The following BTBD16 variants were observed in gnomAD, a reference collection of about 807,000 sequenced individuals.
BTBD16 encodes the protein BTB domain containing 16.
Under a neutral mutation model 67.4 loss-of-function variants are expected in BTBD16, and 66 were observed. The ratio of observed to expected loss-of-function variants is 0.98; its 90% CI spans 0.80 to 1.20. The LOEUF is 1.20. BTBD16 is among the 50% of genes most tolerant of loss of function. The probability of loss-of-function intolerance (pLI) is 0.00; values close to 1 mark genes in which losing one functional copy is unlikely to be tolerated. For missense variants in BTBD16, 634 were observed against 616.0 expected, an observed-to-expected ratio of 1.03 and a Z score of -0.31; for synonymous variants, 242 against 236.4, an observed-to-expected ratio of 1.02 and a Z score of -0.22.
chr10:122,277,065 C>G (rs1055568903), intron 3 of BTBD16, 126 bp downstream of exon 3: 2 of 1,107,276 alleles, frequency 1.8e-6, no homozygotes, highest in African/African-American at 3.1e-5. Flanking sequence ...GGAAGGCTCC[C>G]TCTGGAGCCA....
rs112235373 is a variant in BTBD16, at chr10:122,292,439, G to A, written c.590+1245G>A. Among the ~76,000 whole-genome samples, 129 of 152,350 alleles carry A rather than the reference G, an allele frequency of 8.5e-4. 3 individuals are homozygous for A. The highest frequency in any genetic ancestry group is 3.0e-3 in the African/African-American group (125 of 41,580). On this transcript the variant is annotated intron_variant, in intron 7 of 15. Coordinates refer to ENST00000260723, the MANE Select transcript of BTBD16 (RefSeq NM_144587.5). ...AAGTAAGTAACTTGGCCAAGGCCAC[G>A]CAGCTGCCAAGTAGAGAAGCCAGGA...
chr10:122,320,776 T>C (rs1317886981), intron 10 of BTBD16, among the ~76,000 whole-genome samples: 1 of 152,174 alleles, frequency 6.6e-6, no homozygotes, highest in African/African-American at 2.4e-5. Flanking sequence ...TTGAGACCTG[T>C]TTTATGGCTC....
At chr10:122,307,523 T>A (rs1460229290) in intron 10 of BTBD16, among the ~76,000 whole-genome samples, 2 of 152,136 alleles carry the variant, frequency 1.3e-5, no homozygotes, top group Non-Finnish European at 2.9e-5. Context: ...TACTATGAGA[T>A]AATCAGGTGC....
intron 3 of BTBD16, among the ~76,000 whole-genome samples, chr10:122,282,400 C>G (rs576867694): frequency 6.6e-6 from 1 of 152,328 alleles, no homozygotes; most frequent in Admixed American, 6.5e-5. Flanking sequence ...CATCCTCCCC[C>G]CTTGGAAAGG....
chr10:122,312,323 T>C (rs2142101374), intron 10 of BTBD16, among the ~76,000 whole-genome samples: 1 of 143,748 alleles, frequency 7.0e-6, no homozygotes, highest in East Asian at 2.0e-4. Flanking sequence ...TTTTTTTTTT[T>C]TTTTTTTTTG....
At chr10:122,275,145 T>C in intron 2 of BTBD16, 46 bp downstream of exon 2, 1 of 1,585,444 alleles carries the variant, frequency 6.3e-7, no homozygotes, top group Non-Finnish European at 8.7e-7. Flanking sequence ...AGAAGAAGCA[T>C]TTGCTTATGG....
intron 5 of BTBD16, 71 bp from the exon 6 acceptor site, chr10:122,289,838 G>A (rs893786282): frequency 2.9e-6 from 3 of 1,030,842 alleles, no homozygotes; most frequent in South Asian, 1.3e-5. Flanking sequence ...TGCCAGGGTG[G>A]TGGGTGCCTC....
chr10:122,275,204 C>T, intron 2 of BTBD16, 105 bp downstream of exon 2: 1 of 1,114,326 alleles, frequency 9.0e-7, no homozygotes, highest in Non-Finnish European at 1.4e-6. Context: ...CCACCGAGGA[C>T]CTCAAGCATT....
At chr10:122,312,037 A>G (rs1269346173) in intron 10 of BTBD16, among the ~76,000 whole-genome samples, 2 of 152,234 alleles carry the variant, frequency 1.3e-5, no homozygotes, top group Admixed American at 6.5e-5. Context: ...GTTGGTGGAC[A>G]TGTTCAGCCA....
chr10:122,328,033 G>A (rs2096448351), intron 10 of BTBD16, among the ~76,000 whole-genome samples: 1 of 152,232 alleles, frequency 6.6e-6, no homozygotes, highest in Admixed American at 6.5e-5. Flanking sequence ...GCAAGGCTAG[G>A]GAGGACGGCG....
intron 3 of BTBD16, among the ~76,000 whole-genome samples, chr10:122,282,487 C>T (rs1436719296): frequency 6.6e-6 from 1 of 152,200 alleles, no homozygotes; most frequent in East Asian, 1.9e-4. Flanking sequence ...CATGGGGTCT[C>T]CTGGGATTGT....
intron 12 of BTBD16, chr10:122,332,083 C>T: frequency 5.0e-6 from 1 of 200,048 alleles, no homozygotes; most frequent in Non-Finnish European, 1.0e-5. Context: ...TCCGCTCCCT[C>T]TCCTCCCCAG....
chr10:122,288,470 T>C (rs1243051136), intron 5 of BTBD16, among the ~76,000 whole-genome samples: 2 of 152,344 alleles, frequency 1.3e-5, no homozygotes, highest in South Asian at 2.1e-4. Context: ...ATGGGCTTTT[T>C]GGCTCTGGCT....
intron 9 of BTBD16, chr10:122,303,726 A>ATG (rs2096398358): frequency 1.3e-6 from 1 of 772,342 alleles, no homozygotes; most frequent in Non-Finnish European, 1.6e-6. Context: ...TTACATTCCA[A>ATG]TGGCTGCTAG....
chr10:122,276,573 T>C (rs1342946798), intron 2 of BTBD16, among the ~76,000 whole-genome samples: 3 of 152,206 alleles, frequency 2.0e-5, no homozygotes, highest in Non-Finnish European at 2.9e-5. Flanking sequence ...TTGTCCTAGA[T>C]CCTAAATTCC....
intron 9 of BTBD16, chr10:122,303,736 G>T: frequency 1.5e-6 from 1 of 666,728 alleles, no homozygotes; most frequent in Non-Finnish European, 1.9e-6. Flanking sequence ...ATGGCTGCTA[G>T]CGAGTGCCAG....
At chr10:122,322,408 A>G (rs1021078830) in intron 10 of BTBD16, among the ~76,000 whole-genome samples, 4 of 152,102 alleles carry the variant, frequency 2.6e-5, no homozygotes, top group Non-Finnish European at 5.9e-5. Context: ...CGGACATTCT[A>G]GTAGGAGACA....
chr10:122,286,065 G>T lies in BTBD16; in HGVS notation c.242-40G>T, dbSNP rs750530508. On this transcript the variant is annotated intron_variant, in intron 4 of 15. Coordinates refer to ENST00000260723, the MANE Select transcript of BTBD16 (RefSeq NM_144587.5). ...AGCTGATGCATCTTTGGGTGGGGAC[G>T]TTACTGATGTGTTTGCTCAGCATCA... 4 of 1,575,024 alleles carry T rather than the reference G, an allele frequency of 2.5e-6. No individual in the cohort carries two copies. The African/African-American group carries it at 5.4e-5, about 21-fold the overall frequency.
intron 9 of BTBD16, among the ~76,000 whole-genome samples, chr10:122,300,674 C>T (rs574705013): frequency 1.3e-5 from 2 of 152,214 alleles, no homozygotes; most frequent in African/African-American, 2.4e-5. Flanking sequence ...CCTTTTATAG[C>T]ATTTTTTCTT....
Sources: gnomAD v4.1 joint callset for allele counts (sites outside exome capture counted in the v4.1 genomes callset) on GRCh38, gnomAD v4.1.1 for gene constraint, MANE v1.5 for transcripts, NCBI Gene and HGNC (gene_info 2026-07-23, HGNC 2026-07-21) for gene names.